The following LIMS1 variants were observed in gnomAD, a reference collection of about 807,000 sequenced individuals.
The protein encoded by LIMS1 is LIM zinc finger domain containing 1.
In LIMS1, 18 loss-of-function variants were observed where a neutral mutation model predicts 44.1. The observed-to-expected ratio is 0.41, with a 90% confidence interval of 0.28 to 0.61. The LOEUF (loss-of-function observed/expected upper bound fraction) is 0.61, where lower values mean the gene tolerates loss of function less well. Among genes scored for constraint, LIMS1 ranks in the 20% least tolerant of loss-of-function variants. The probability of loss-of-function intolerance (pLI) is 0.32; values close to 1 mark genes in which losing one functional copy is unlikely to be tolerated. For missense variants in LIMS1, 201 were observed against 422.0 expected, an observed-to-expected ratio of 0.48 and a Z score of 4.59; for synonymous variants, 93 against 149.1, an observed-to-expected ratio of 0.62 and a Z score of 2.74.
intron 1 of LIMS1, among the ~76,000 whole-genome samples, chr2:108,555,246 G>C (rs1446719672): frequency 6.6e-6 from 1 of 152,156 alleles, no homozygotes; most frequent in Non-Finnish European, 1.5e-5. Flanking sequence ...TCCAGAATGA[G>C]AGAGCAAATA....
chr2:108,595,715 A>C (rs1274380498), intron 1 of LIMS1, among the ~76,000 whole-genome samples: 1 of 152,152 alleles, frequency 6.6e-6, no homozygotes, highest in Admixed American at 6.5e-5. Context: ...TGGGACTTTC[A>C]TTCTGTTCCT....
At chr2:108,597,693 C>CTTTTTTTT (rs10693112) in intron 1 of LIMS1, among the ~76,000 whole-genome samples, 2 of 108,540 alleles carry the variant, frequency 1.8e-5, no homozygotes, top group African/African-American at 3.5e-5. Flanking sequence ...AGCAAAAATG[C>CTTTTTTTT]TTTTTTTTTT....
intron 1 of LIMS1, among the ~76,000 whole-genome samples, chr2:108,627,822 C>G (rs1334191624): frequency 6.6e-6 from 1 of 152,144 alleles, no homozygotes; most frequent in Non-Finnish European, 1.5e-5. Context: ...TTAAAAAAAT[C>G]TTCTTTTAGA....
intron 1 of LIMS1, among the ~76,000 whole-genome samples, chr2:108,569,818 C>A (rs547657631): frequency 7.8e-6 from 1 of 128,906 alleles, no homozygotes; most frequent in South Asian, 2.7e-4. Flanking sequence ...CCAGGCTGAT[C>A]TTGAACTCCT....
intron 1 of LIMS1, among the ~76,000 whole-genome samples, chr2:108,638,539 T>C (rs1689435891): frequency 1.3e-5 from 2 of 149,132 alleles, no homozygotes; most frequent in Admixed American, 1.3e-4. Flanking sequence ...AGGTCAGGAG[T>C]TCGAGACCAG....
chr2:108,636,483 TG>T (rs1362059275), intron 1 of LIMS1, among the ~76,000 whole-genome samples: 1 of 152,182 alleles, frequency 6.6e-6, no homozygotes, highest in Non-Finnish European at 1.5e-5. Flanking sequence ...CAGGCAGGAC[TG>T]GGAAGCAAAC....
chr2:108,625,165 A>T (rs892864153), intron 1 of LIMS1, among the ~76,000 whole-genome samples: 2 of 152,262 alleles, frequency 1.3e-5, no homozygotes, highest in Admixed American at 1.3e-4. Context: ...TGTATGGCCC[A>T]TGAGCTTGGG....
intron 1 of LIMS1, among the ~76,000 whole-genome samples, 182 bp from the exon 2 acceptor site, chr2:108,659,423 G>A (rs866392162): frequency 2.2e-4 from 34 of 152,168 alleles, no homozygotes; most frequent in African/African-American, 7.2e-4. Context: ...CAGATGCTAC[G>A]GTAAAGAGGC....
intron 1 of LIMS1, among the ~76,000 whole-genome samples, chr2:108,622,300 A>G (rs116340057): frequency 0.027 from 4,076 of 152,280 alleles, 74 homozygotes; most frequent in Middle Eastern, 0.082. Flanking sequence ...GGCTATCTAT[A>G]CTTTGTGTAC....
chr2:108,606,756 G>C (rs1376334033), intron 1 of LIMS1, among the ~76,000 whole-genome samples: 1 of 152,192 alleles, frequency 6.6e-6, no homozygotes, highest in African/African-American at 2.4e-5. Context: ...GCTCTGGAAG[G>C]CTCCACCAAA....
At chr2:108,565,325 G>A (rs1053783072) in intron 1 of LIMS1, among the ~76,000 whole-genome samples, 1 of 152,130 alleles carries the variant, frequency 6.6e-6, no homozygotes, top group African/African-American at 2.4e-5. Flanking sequence ...TAGCACAAAG[G>A]TCTCTAATAA....
chr2:108,668,099 G>A (rs1018572556), intron 2 of LIMS1, among the ~76,000 whole-genome samples: 12 of 151,936 alleles, frequency 7.9e-5, no homozygotes, highest in African/African-American at 2.9e-4. Flanking sequence ...TACACACATG[G>A]GGCACAGTGT....
intron 1 of LIMS1, among the ~76,000 whole-genome samples, chr2:108,642,617 C>A (rs543196936): frequency 2.0e-5 from 3 of 152,044 alleles, no homozygotes; most frequent in Non-Finnish European, 4.4e-5. Context: ...CCTCGGCCTC[C>A]CAAAGTGCAG....
chr2:108,595,838 A>G (rs1686654935), intron 1 of LIMS1, among the ~76,000 whole-genome samples: 1 of 152,226 alleles, frequency 6.6e-6, no homozygotes, highest in Non-Finnish European at 1.5e-5. Flanking sequence ...AACACATAAA[A>G]TCTACCACCT....
chr2:108,581,786 A>G (rs1313965632), intron 1 of LIMS1, among the ~76,000 whole-genome samples: 1 of 152,032 alleles, frequency 6.6e-6, no homozygotes, highest in Non-Finnish European at 1.5e-5. Context: ...AAAAATACAA[A>G]ATTACTCGGG....
chr2:108,595,087 C>T (rs1207529474), intron 1 of LIMS1, among the ~76,000 whole-genome samples: 1 of 152,174 alleles, frequency 6.6e-6, no homozygotes, highest in Non-Finnish European at 1.5e-5. Flanking sequence ...ACATTACTGA[C>T]TGAAGGGCTA....
chr2:108,563,140 A>G (rs1558788785), intron 1 of LIMS1, among the ~76,000 whole-genome samples: 1 of 152,226 alleles, frequency 6.6e-6, no homozygotes, highest in Non-Finnish European at 1.5e-5. Context: ...TTGTTCATTG[A>G]CAATGCATCT....
intron 1 of LIMS1, among the ~76,000 whole-genome samples, chr2:108,562,177 C>CT (rs369506180): frequency 7.4e-5 from 11 of 148,660 alleles, no homozygotes; most frequent in African/African-American, 2.9e-4. Flanking sequence ...ATTTGCCGAT[C>CT]TCTCACCCTC....
At chr2:108,646,256 CA>C in intron 1 of LIMS1, among the ~76,000 whole-genome samples, 1 of 152,006 alleles carries the variant, frequency 6.6e-6, no homozygotes, top group East Asian at 1.9e-4. Flanking sequence ...TCAGCAAATG[CA>C]AAAAAATGGA....
Sources: gnomAD v4.1 joint callset for allele counts (sites outside exome capture counted in the v4.1 genomes callset) on GRCh38, gnomAD v4.1.1 for gene constraint, MANE v1.5 for transcripts, NCBI Gene and HGNC (gene_info 2026-07-23, HGNC 2026-07-21) for gene names.